The following LRP1B variants were observed in gnomAD, a reference collection of about 807,000 sequenced individuals.
LRP1B encodes low-density lipoprotein receptor-related protein 1B.
Under a neutral mutation model 556.6 loss-of-function variants are expected in LRP1B, and 217 were observed. The observed-to-expected ratio is 0.39, with a 90% CI of 0.35 to 0.44. The LOEUF is 0.44. LRP1B is among the 20% of genes least tolerant of loss of function. The pLI is 1.00. For missense variants in LRP1B, 5,053 were observed against 5,620.8 expected (o/e 0.90, Z 3.23); for synonymous variants, 2,047 against 1,865.8 (o/e 1.10, Z -2.50).
intron 82 of LRP1B, among the ~76,000 whole-genome samples, chr2:140,315,982 TTAA>T (rs1684504449): frequency 2.0e-5 from 3 of 152,292 alleles, no homozygotes; most frequent in Non-Finnish European, 4.4e-5. Flanking sequence ...GTCTACCTAC[TTAA>T]TAACATTTTG....
chr2:141,185,663 A>G (rs1326012244), intron 7 of LRP1B, among the ~76,000 whole-genome samples: 2 of 134,268 alleles, frequency 1.5e-5, no homozygotes, highest in East Asian at 2.4e-4. Flanking sequence ...TATTTAAACC[A>G]TGGAGAACTG....
intron 3 of LRP1B, among the ~76,000 whole-genome samples, chr2:141,315,082 T>C (rs1437053961): frequency 6.6e-6 from 1 of 150,432 alleles, no homozygotes; most frequent in Non-Finnish European, 1.5e-5. Flanking sequence ...TACGGTACTC[T>C]CACAAAGAGC....
At chr2:141,268,179 T>C (rs1235161649) in intron 3 of LRP1B, among the ~76,000 whole-genome samples, 9 of 152,152 alleles carry the variant, frequency 5.9e-5, no homozygotes, top group Admixed American at 5.9e-4. Context: ...AACTGTGTGT[T>C]AAATGTAACA....
At chr2:140,354,458 G>T (rs17477639) in intron 75 of LRP1B, among the ~76,000 whole-genome samples, 3,089 of 152,096 alleles carry the variant, frequency 0.02, 37 homozygotes, top group African/African-American at 0.028. Flanking sequence ...AGTGTATTTC[G>T]TTGTTTTTAA....
intron 7 of LRP1B, among the ~76,000 whole-genome samples, chr2:141,117,987 G>T (rs1304685104): frequency 6.6e-6 from 1 of 151,884 alleles, no homozygotes; most frequent in Non-Finnish European, 1.5e-5. Context: ...TTACTTGAGT[G>T]CAGGAACTAA....
intron 7 of LRP1B, among the ~76,000 whole-genome samples, chr2:141,153,627 T>C (rs887806191): frequency 2.2e-5 from 3 of 138,942 alleles, no homozygotes; most frequent in Non-Finnish European, 4.6e-5. Context: ...ATATATCAGC[T>C]ATATATATAT....
intron 1 of LRP1B, among the ~76,000 whole-genome samples, chr2:141,877,971 A>T (rs530544822): frequency 6.6e-6 from 1 of 152,080 alleles, no homozygotes; most frequent in African/African-American, 2.4e-5. Flanking sequence ...AAGAGAAAGA[A>T]AATAGGCTCA....
At chr2:141,184,552 C>T (rs898980328) in intron 7 of LRP1B, among the ~76,000 whole-genome samples, 1 of 151,636 alleles carries the variant, frequency 6.6e-6, no homozygotes, top group African/African-American at 2.4e-5. Context: ...GATTATACCC[C>T]TTTTTTTCAA....
intron 1 of LRP1B, among the ~76,000 whole-genome samples, chr2:142,107,680 C>T (rs117315812): frequency 0.2 from 30,278 of 151,690 alleles, 3,293 homozygotes; most frequent in Middle Eastern, 0.43. Context: ...CAGGCTGAAG[C>T]GCAGTGGCAC....
intron 7 of LRP1B, among the ~76,000 whole-genome samples, chr2:141,101,552 T>C (rs192333329): frequency 7.9e-5 from 12 of 152,202 alleles, no homozygotes; most frequent in Non-Finnish European, 1.5e-4. Flanking sequence ...AATCAAAAAA[T>C]AATAAAACCG....
intron 3 of LRP1B, among the ~76,000 whole-genome samples, chr2:141,270,593 A>C (rs940572516): frequency 6.6e-6 from 1 of 152,094 alleles, no homozygotes; most frequent in African/African-American, 2.4e-5. Flanking sequence ...AAAGTGGGAC[A>C]TTATGCAGGC....
At chr2:141,765,611 G>A (rs1359457351) in intron 2 of LRP1B, among the ~76,000 whole-genome samples, 1 of 152,122 alleles carries the variant, frequency 6.6e-6, no homozygotes, top group African/African-American at 2.4e-5. Context: ...CTAATTAAAA[G>A]TGAAATAATG....
intron 7 of LRP1B, among the ~76,000 whole-genome samples, chr2:141,121,083 G>C (rs1033716028): frequency 6.6e-6 from 1 of 151,972 alleles, no homozygotes; most frequent in Non-Finnish European, 1.5e-5. Context: ...AAATCTAAGC[G>C]GTGCATTTAC....
chr2:141,733,904 A>G (rs992284610), intron 2 of LRP1B, among the ~76,000 whole-genome samples: 5 of 152,136 alleles, frequency 3.3e-5, no homozygotes, highest in African/African-American at 1.2e-4. Flanking sequence ...CATAATTATT[A>G]TAGAACCTAT....
chr2:140,533,708 G>A (rs1690821960), intron 47 of LRP1B, among the ~76,000 whole-genome samples: 1 of 152,096 alleles, frequency 6.6e-6, no homozygotes, highest in African/African-American at 2.4e-5. Context: ...AGGAATAAAG[G>A]GGAACATTTT....
At chr2:140,507,141 C>A (rs2104908745) in intron 52 of LRP1B, among the ~76,000 whole-genome samples, 1 of 152,194 alleles carries the variant, frequency 6.6e-6, no homozygotes, top group Admixed American at 6.5e-5. Flanking sequence ...ATTTAGTATT[C>A]ATGAATTCAA....
rs563487791 is a variant in LRP1B at position 141,779,175 on chromosome 2, T to A, written c.205+31104A>T. On this transcript the variant is annotated intron_variant, in intron 2 of 90. Coordinates refer to ENST00000389484, the MANE Select transcript of LRP1B (RefSeq NM_018557.3). ...TAGATTTGTATTTATGTGGATTAAT[T>A]CCTTAACTTCCTGGGTCTTCAGATG... 8.5e-5 allele frequency among the ~76,000 whole-genome samples: 13 copies of A among 152,266 alleles called. No homozygotes were observed. In the South Asian group the frequency reaches 2.7e-3, roughly 32 times the overall value.
chr2:141,767,737 T>C (rs1347256451), intron 2 of LRP1B, among the ~76,000 whole-genome samples: 1 of 152,138 alleles, frequency 6.6e-6, no homozygotes, highest in African/African-American at 2.4e-5. Context: ...AGCCAGAGAA[T>C]TGAGAAAACA....
At chr2:141,272,671 A>G (rs540678589) in intron 3 of LRP1B, among the ~76,000 whole-genome samples, 7 of 152,296 alleles carry the variant, frequency 4.6e-5, no homozygotes, top group Admixed American at 2.6e-4. Context: ...GAGTGGCTAT[A>G]TAATTATTTG....
Sources: gnomAD v4.1 joint callset for allele counts (sites outside exome capture counted in the v4.1 genomes callset) on GRCh38, gnomAD v4.1.1 for gene constraint, MANE v1.5 for transcripts, NCBI Gene and HGNC (gene_info 2026-07-23, HGNC 2026-07-21) for gene names.